The following COL4A2 variants were observed in gnomAD, a reference collection of about 807,000 sequenced individuals.
COL4A2 encodes collagen alpha-2(IV) chain.
A neutral mutation model predicts 200.2 loss-of-function variants in COL4A2; 99 were observed. The ratio of observed to expected loss-of-function variants is 0.49; its 90% CI spans 0.42 to 0.58. The LOEUF is 0.58. COL4A2 is among the 20% of genes least tolerant of loss of function. COL4A2 has a pLI of 0.00. For synonymous variants in COL4A2, 897 were observed against 900.6 expected, an observed-to-expected ratio of 1.00 and a Z score of 0.07; for missense variants, 1,950 against 2,314.1, an observed-to-expected ratio of 0.84 and a Z score of 3.23.
chr13:110,489,544 A>G (rs1320660535), intron 35 of COL4A2, 36 bp downstream of exon 35: 20 of 1,612,248 alleles, frequency 1.2e-5, no homozygotes, highest in Non-Finnish European at 1.7e-5. Flanking sequence ...CAGGGAGTCC[A>G]CAATTCAGAG....
chr13:110,330,213 C>G (rs1178991348), intron 3 of COL4A2, among the ~76,000 whole-genome samples: 1 of 152,148 alleles, frequency 6.6e-6, no homozygotes, highest in Admixed American at 6.5e-5. Flanking sequence ...GACTTCATCT[C>G]AAGCAAGCTA....
Position 110,462,157 on chromosome 13 carries a change from A to G in COL4A2, c.1640A>G (p.Lys547Arg). ...GGTGCTCCCGGACCCAAAGGAGCAA[A>G]AGGAGATTCCAGAACAATCACAACC... The part of the protein sequence containing the change: ...NIGAPGPKGA[K>R]GDSRTITTKG... Residue 547 changes from lysine to arginine, a missense_variant, in exon 23 of 48, where the codon AAA becomes AGA. This residue lies in a region of COL4A2 where 1,385 missense variants were observed against 1,720.5 expected (regional missense o/e 0.80). Transcript: ENST00000360467. The G allele has an allele frequency of 6.2e-7, 1 of 1,614,268 alleles. No homozygotes were observed. Among genetic ancestry groups the G allele is most frequent in the Admixed American group, 1.7e-5 (1 of 60,028 alleles).
intron 30 of COL4A2, among the ~76,000 whole-genome samples, chr13:110,479,373 AG>A (rs1882812363): frequency 9.4e-5 from 1 of 10,686 alleles, no homozygotes. Context: ...AGCAAGCCCA[AG>A]GGGAGAAGTA....
At chr13:110,342,700 G>A (rs941542748) in intron 3 of COL4A2, among the ~76,000 whole-genome samples, 1 of 152,100 alleles carries the variant, frequency 6.6e-6, no homozygotes, top group Non-Finnish European at 1.5e-5. Flanking sequence ...CCGCCCCCAC[G>A]AAACATGGCC....
chr13:110,334,506 G>A (rs779307428), intron 3 of COL4A2, among the ~76,000 whole-genome samples: 4 of 152,170 alleles, frequency 2.6e-5, no homozygotes, highest in Admixed American at 6.5e-5. Context: ...TCCAGGTTTC[G>A]CACTTGGAAG....
chr13:110,470,035 C>G (rs1367854576), intron 28 of COL4A2, among the ~76,000 whole-genome samples: 1 of 151,628 alleles, frequency 6.6e-6, no homozygotes, highest in South Asian at 2.1e-4. Context: ...CTGCCTCAGC[C>G]TCCTGAGTAG....
In COL4A2 at chr13:110,466,072, G is replaced by A; in HGVS notation, c.2038+10G>A. ...GAGGCCATCCAGCCAGGTACTCTGG[G>A]AAGTGCAGGTGGCTTTAGGACACTA... On this transcript the variant is annotated intron_variant, in intron 26 of 47. Transcript: ENST00000360467. 1 of 1,613,352 alleles carries A rather than the reference G, an allele frequency of 6.2e-7. No individual in the cohort carries two copies. Among genetic ancestry groups the A allele is most frequent in the East Asian group, 2.2e-5 (1 of 44,854 alleles).
chr13:110,473,199 G>T, intron 29 of COL4A2, 49 bp downstream of exon 29: 1 of 1,519,288 alleles, frequency 6.6e-7, no homozygotes, highest in African/African-American at 1.4e-5. Context: ...ATGCACAGTG[G>T]CCTCCAAGGG....
rs372770020 is a variant in COL4A2 at position 110,438,810 on chromosome 13, C to CCCACA, written c.912+143_912+144insCACAC. On this transcript the variant is annotated intron_variant, in intron 15 of 47. Transcript: ENST00000360467. Reference sequence around the variant, plus strand: ...TCCCGTTATTACTCCCCACCCCCCCCCACACACACACACAGCAGCCCCCCA... The same window carrying CCCACA: ...TCCCGTTATTACTCCCCACCCCCCCCCCACACACACACACACACAGCAGCCCCCCA... 38 of 653,952 alleles carry CCCACA rather than the reference C, an allele frequency of 5.8e-5. No homozygotes were observed. The African/African-American group carries it at 6.4e-4, about 11-fold the overall frequency. The allele number at this position is 653,952 out of a possible 1,614,324, so 40.5% of individuals were successfully genotyped here. A position where few individuals can be genotyped will look rare whatever the true frequency, so the allele number is the denominator to read the frequency against.
At chr13:110,375,967 G>A (rs890397530) in intron 4 of COL4A2, among the ~76,000 whole-genome samples, 3 of 152,172 alleles carry the variant, frequency 2.0e-5, no homozygotes, top group African/African-American at 4.8e-5. Context: ...CATTCCCTGA[G>A]TAAATTAAGG....
chr13:110,505,304 C>G (rs532427223), intron 45 of COL4A2, among the ~76,000 whole-genome samples: 2 of 151,932 alleles, frequency 1.3e-5, no homozygotes, highest in Admixed American at 1.3e-4. Flanking sequence ...GAGCCAAGAT[C>G]GCGCCACTGC....
Position 110,471,019 on chromosome 13 carries a change from G to T in COL4A2, c.2203+1695G>T, listed in dbSNP as rs76314608. Among the ~76,000 whole-genome samples, 419 of 152,254 alleles carry T rather than the reference G, an allele frequency of 2.8e-3. 3 individuals are homozygous for T. Among genetic ancestry groups the T allele is most frequent in the African/African-American group, 9.6e-3 (398 of 41,526 alleles). Reference sequence around the variant, plus strand: ...GAAGTCTCCATGCCTCTGCCCCAGGGGTTGGTCTCTGTGGTTTTGTTGCCC... The same window carrying T: ...GAAGTCTCCATGCCTCTGCCCCAGGTGTTGGTCTCTGTGGTTTTGTTGCCC... On this transcript the variant is annotated intron_variant, in intron 28 of 47. Coordinates refer to ENST00000360467, the MANE Select transcript of COL4A2 (RefSeq NM_001846.4).
intron 20 of COL4A2, 151 bp downstream of exon 20, chr13:110,450,605 G>A: frequency 2.3e-6 from 2 of 874,548 alleles, no homozygotes; most frequent in Non-Finnish European, 3.5e-6. Context: ...AGGTAGATTA[G>A]GGTGTAGTGG....
intron 3 of COL4A2, among the ~76,000 whole-genome samples, chr13:110,309,629 C>T (rs139802133): frequency 1.1e-4 from 17 of 152,292 alleles, no homozygotes; most frequent in African/African-American, 3.8e-4. Flanking sequence ...GTGGGAGTCC[C>T]AGGTATTCTT....
chr13:110,502,951 C>G, intron 41 of COL4A2, 170 bp from the exon 42 acceptor site: 2 of 648,616 alleles, frequency 3.1e-6, no homozygotes, highest in Non-Finnish European at 5.4e-6. Flanking sequence ...AAAATGGTAA[C>G]TTTTATGTTC....
intron 39 of COL4A2, 44 bp from the exon 40 acceptor site, chr13:110,495,297 TG>T (rs772823050): frequency 6.2e-7 from 1 of 1,613,212 alleles, no homozygotes; most frequent in Non-Finnish European, 8.5e-7. Flanking sequence ...GTCAACTGTA[TG>T]GTTGGAAACA....
At chr13:110,444,400 T>C (rs1261540458) in intron 16 of COL4A2, among the ~76,000 whole-genome samples, 1 of 152,242 alleles carries the variant, frequency 6.6e-6, no homozygotes, top group African/African-American at 2.4e-5. Flanking sequence ...GCTCCTGTCA[T>C]GCCAGGTACT....
At chr13:110,374,827 G>T (rs918464512) in intron 4 of COL4A2, among the ~76,000 whole-genome samples, 1 of 152,170 alleles carries the variant, frequency 6.6e-6, no homozygotes, top group African/African-American at 2.4e-5. Context: ...TCATTAAGTG[G>T]ATAGTTTTCC....
chr13:110,437,322 G>A (rs1217903315), intron 13 of COL4A2, among the ~76,000 whole-genome samples: 1 of 152,152 alleles, frequency 6.6e-6, no homozygotes, highest in Non-Finnish European at 1.5e-5. Context: ...TTTGATCCAC[G>A]TGGAGGTGCT....
Sources: gnomAD v4.1 joint callset for allele counts (sites outside exome capture counted in the v4.1 genomes callset) on GRCh38, gnomAD v4.1.1 for gene constraint, gnomAD v4.1.1 regional missense constraint, MANE v1.5 for transcripts, NCBI Gene and HGNC (gene_info 2026-07-23, HGNC 2026-07-21) for gene names.